The following ACACA variants were observed in gnomAD, a reference collection of about 807,000 sequenced individuals.
ACACA encodes the protein acetyl-CoA carboxylase 1.
Under a neutral mutation model 296.1 loss-of-function variants are expected in ACACA, and 103 were observed. That is an observed-to-expected ratio of 0.35 (90% CI 0.30 to 0.41). ACACA has a LOEUF of 0.41. ACACA is among the 10% of genes least tolerant of loss of function. The probability of loss-of-function intolerance (pLI) is 1.00; values close to 1 mark genes in which losing one functional copy is unlikely to be tolerated. For missense variants in ACACA, 1,554 were observed against 2,989.7 expected (o/e 0.52, Z 11.20); for synonymous variants, 953 against 1,038.6 (o/e 0.92, Z 1.58).
At chr17:37,122,500 C>T (rs765506710) in intron 49 of ACACA, 31 bp downstream of exon 49, 2 of 1,573,026 alleles carry the variant, frequency 1.3e-6, no homozygotes, top group South Asian at 2.2e-5. Context: ...ACCCTCCAAG[C>T]ACAGCCCCCA....
intron 22 of ACACA, among the ~76,000 whole-genome samples, chr17:37,242,781 GTAA>G (rs2080480993): frequency 1.3e-5 from 2 of 152,048 alleles, no homozygotes; most frequent in African/African-American, 2.4e-5. Flanking sequence ...GCTCACGCCT[GTAA>G]TCCCAGCACT....
chr17:37,163,393 C>T (rs2076544937), intron 41 of ACACA, among the ~76,000 whole-genome samples: 1 of 151,962 alleles, frequency 6.6e-6, no homozygotes, highest in Non-Finnish European at 1.5e-5. Context: ...GCCTGCAGAA[C>T]CATGATCCAA....
Position 37,116,610 on chromosome 17 carries a change from C to T in ACACA, c.6275-3345G>A, listed in dbSNP as rs141003478. 3.9e-5 allele frequency among the ~76,000 whole-genome samples: 6 copies of T among 152,264 alleles called. No individual in the cohort carries two copies. The East Asian group carries it at 1.2e-3, about 29-fold the overall frequency. On this transcript the variant is annotated intron_variant, in intron 50 of 55. Coordinates refer to ENST00000616317, the MANE Select transcript of ACACA (RefSeq NM_198834.3). ...TATTGCCTCCATCTAACTTGGAACA[C>T]CTATAGACCCACAGCCCAACCATCA...
chr17:37,169,939 T>C (rs2076823182), intron 41 of ACACA, among the ~76,000 whole-genome samples: 1 of 152,040 alleles, frequency 6.6e-6, no homozygotes, highest in Non-Finnish European at 1.5e-5. Context: ...GTCTAATGAG[T>C]TTTAGACTCA....
chr17:37,242,980 A>G (rs1164699176), intron 22 of ACACA, among the ~76,000 whole-genome samples: 1 of 151,554 alleles, frequency 6.6e-6, no homozygotes, highest in Non-Finnish European at 1.5e-5. Context: ...GGTTGCAGTG[A>G]GCCGAGATCA....
rs960105443 is a variant in ACACA at position 37,223,487 on chromosome 17, A to G, written c.3564+25T>C. 4 of 1,531,156 alleles carry G rather than the reference A, an allele frequency of 2.6e-6. No homozygotes were observed. In the African/African-American group the frequency reaches 5.5e-5, roughly 21 times the overall value. 94.8% of individuals were successfully genotyped at this position (1,531,156 alleles called of 1,614,324 possible). A position where few individuals can be genotyped will look rare whatever the true frequency, so the allele number is the denominator to read the frequency against. ...CCAGCTAGAAACAAAGGAAAAGGTC[A>G]TGTCCCATTACCATAAATACTTACC... On this transcript the variant is annotated intron_variant, in intron 28 of 55. Coordinates refer to ENST00000616317, the MANE Select transcript of ACACA (RefSeq NM_198834.3).
intron 33 of ACACA, among the ~76,000 whole-genome samples, chr17:37,204,907 A>T (rs1157150338): frequency 6.6e-6 from 1 of 152,222 alleles, no homozygotes; most frequent in Non-Finnish European, 1.5e-5. Context: ...CATTTGGGAC[A>T]TTTAATTTTG....
chr17:37,299,761 G>C, intron 3 of ACACA: 1 of 998,158 alleles, frequency 1.0e-6, no homozygotes, highest in Non-Finnish European at 1.2e-6. Context: ...TGCCTCTCCT[G>C]GCTGCCAGGA....
chr17:37,130,645 A>T (rs950041184), intron 45 of ACACA, among the ~76,000 whole-genome samples: 3 of 152,138 alleles, frequency 2.0e-5, no homozygotes, highest in African/African-American at 7.2e-5. Context: ...CAATTTTAAA[A>T]CCAGCAAGCC....
At position 37,284,833 on chromosome 17, in the gene ACACA, C is replaced by T. The variant is rs1156666149; in HGVS notation, c.471+5G>A. 1 of 1,614,172 alleles carries T rather than the reference C, an allele frequency of 6.2e-7. No individual in the cohort carries two copies. Among genetic ancestry groups the T allele is most frequent in the East Asian group, 2.2e-5 (1 of 44,880 alleles). ...GACAAAATAATTCAGCAAGTTACAA[C>T]TTACCTTCTCAATCACTTTATTTCC... On this transcript the variant is annotated splice_donor_5th_base_variant and intron_variant, in intron 4 of 55. Transcript: ENST00000616317.
At chr17:37,143,664 CTG>C in intron 45 of ACACA, 2 of 884,154 alleles carry the variant, frequency 2.3e-6, no homozygotes, top group Non-Finnish European at 3.6e-6. Flanking sequence ...AGAAAAAAAT[CTG>C]TGCTAGAACC....
rs189830193 is a variant in ACACA at position 37,300,440 on chromosome 17, G to A, written c.339-15470C>T. Among the ~76,000 whole-genome samples, 4 of 152,236 alleles carry A rather than the reference G, an allele frequency of 2.6e-5. No homozygotes were observed. In the East Asian group the frequency reaches 5.8e-4, roughly 22 times the overall value. ...AGAATCTATAGAAAGACAACTTCCTGAGGCAAGTCCTCAGGACTGTACACC... is the reference window on the plus strand; with the variant it reads ...AGAATCTATAGAAAGACAACTTCCTAAGGCAAGTCCTCAGGACTGTACACC... On this transcript the variant is annotated intron_variant, in intron 3 of 55. Transcript: ENST00000616317.
At chr17:37,216,570 G>A (rs1050032066) in intron 29 of ACACA, among the ~76,000 whole-genome samples, 6 of 150,904 alleles carry the variant, frequency 4.0e-5, no homozygotes, top group African/African-American at 7.3e-5. Flanking sequence ...AAAAATAGTC[G>A]AATTATACCA....
At chr17:37,268,719 ATCTATCTATCTATC>A (rs1272988159) in intron 10 of ACACA, among the ~76,000 whole-genome samples, 2 of 109,094 alleles carry the variant, frequency 1.8e-5, no homozygotes, top group African/African-American at 4.0e-5. Context: ...ATCTATATCT[ATCTATCTATCTATC>A]TATCTATCTA....
chr17:37,346,693 C>T (rs2048636512), intron 1 of ACACA, among the ~76,000 whole-genome samples: 1 of 130,758 alleles, frequency 7.6e-6, no homozygotes, highest in Non-Finnish European at 1.6e-5. Context: ...CAGAGCAAGA[C>T]TCCATCTCAA....
At chr17:37,280,620 G>A (rs907419173) in intron 5 of ACACA, among the ~76,000 whole-genome samples, 6 of 152,018 alleles carry the variant, frequency 3.9e-5, no homozygotes, top group East Asian at 3.9e-4. Flanking sequence ...AATTGTGCAC[G>A]GGGTTAAGAA....
At chr17:37,371,793 G>A (rs1486888057) in intron 1 of ACACA, among the ~76,000 whole-genome samples, 1 of 151,994 alleles carries the variant, frequency 6.6e-6, no homozygotes, top group East Asian at 1.9e-4. Context: ...CCACCTATTC[G>A]GGAGGCTGAG....
At chr17:37,370,370 G>T (rs778450800) in intron 1 of ACACA, among the ~76,000 whole-genome samples, 5 of 151,144 alleles carry the variant, frequency 3.3e-5, no homozygotes, top group Non-Finnish European at 7.4e-5. Context: ...TTCCAGCCCA[G>T]ACGCGGTGGC....
intron 3 of ACACA, among the ~76,000 whole-genome samples, chr17:37,324,132 C>T (rs1359006183): frequency 6.6e-6 from 1 of 151,906 alleles, no homozygotes; most frequent in African/African-American, 2.4e-5. Flanking sequence ...TTTGGGAGGC[C>T]GAGGTGGGCA....
Sources: allele counts gnomAD v4.1 joint callset (sites outside exome capture counted in the v4.1 genomes callset), GRCh38; gene constraint gnomAD v4.1.1; transcripts MANE v1.5; gene names NCBI Gene and HGNC (gene_info 2026-07-23, HGNC 2026-07-21).